Variants in ADH7 observed in about 807,000 individuals in gnomAD.
ADH7 encodes all-trans-retinol dehydrogenase [NAD(+)] ADH7.
A neutral mutation model predicts 34.4 loss-of-function variants in ADH7; 41 were observed. The ratio of observed to expected loss-of-function variants is 1.19; its 90% CI spans 0.93 to 1.55. ADH7 has a LOEUF of 1.55. Among genes scored for constraint, ADH7 ranks in the 40% most tolerant of loss-of-function variants. The probability of loss-of-function intolerance (pLI) is 0.00; values close to 1 mark genes in which losing one functional copy is unlikely to be tolerated. For missense variants in ADH7, 540 were observed against 461.2 expected (o/e 1.17, Z -1.56); for synonymous variants, 180 against 160.9 (o/e 1.12, Z -0.90).
intron 5 of ADH7, among the ~76,000 whole-genome samples, chr4:99,425,456 A>G (rs1217847812): frequency 2.6e-5 from 4 of 152,324 alleles, no homozygotes; most frequent in African/African-American, 9.6e-5. Flanking sequence ...ATCAAAAGAG[A>G]CAAAGAAGGC....
chr4:99,434,744 CT>C (rs1186100719), intron 1 of ADH7, among the ~76,000 whole-genome samples: 1 of 152,054 alleles, frequency 6.6e-6, no homozygotes, highest in Non-Finnish European at 1.5e-5. Flanking sequence ...ATTCATGACA[CT>C]TTCTTGGCCA....
intron 7 of ADH7, among the ~76,000 whole-genome samples, chr4:99,418,048 T>C (rs1479556258): frequency 6.6e-6 from 1 of 152,168 alleles, no homozygotes; most frequent in Admixed American, 6.6e-5. Flanking sequence ...AAAAACTTAA[T>C]AGTTCCAAGT....
At chr4:99,428,412 T>C in intron 3 of ADH7, 80 bp downstream of exon 3, 1 of 1,486,194 alleles carries the variant, frequency 6.7e-7, no homozygotes, top group Non-Finnish European at 9.1e-7. Flanking sequence ...CCTCTAATAA[T>C]TCCTAGTGTG....
chr4:99,416,870 C>T (rs1302463968), intron 7 of ADH7, among the ~76,000 whole-genome samples: 1 of 152,084 alleles, frequency 6.6e-6, no homozygotes, highest in South Asian at 2.1e-4. Flanking sequence ...CCACCCTAGC[C>T]CCCAATCTAT....
chr4:99,434,400 G>A (rs1722002315), intron 1 of ADH7, among the ~76,000 whole-genome samples: 2 of 152,022 alleles, frequency 1.3e-5, no homozygotes, highest in South Asian at 4.1e-4. Context: ...ACATCATAGA[G>A]TCTCCTGACT....
chr4:99,422,324 TA>T (rs1721685032), intron 5 of ADH7, among the ~76,000 whole-genome samples: 1 of 152,154 alleles, frequency 6.6e-6, no homozygotes, highest in African/African-American at 2.4e-5. Flanking sequence ...TATGCAGCCA[TA>T]AAAAGAAATG....
At chr4:99,424,782 C>T (rs1177881778) in intron 5 of ADH7, among the ~76,000 whole-genome samples, 3 of 152,038 alleles carry the variant, frequency 2.0e-5, no homozygotes, top group Non-Finnish European at 4.4e-5. Context: ...TGGGCTGAGA[C>T]AATGGGGTTT....
intron 7 of ADH7, among the ~76,000 whole-genome samples, chr4:99,416,173 T>TA (rs1173502203): frequency 2.0e-5 from 3 of 152,010 alleles, no homozygotes; most frequent in Non-Finnish European, 4.4e-5. Flanking sequence ...AAACAAAGGT[T>TA]AAAAAAACTC....
intron 5 of ADH7, among the ~76,000 whole-genome samples, chr4:99,422,572 G>A (rs13146108): frequency 0.1 from 15,945 of 152,034 alleles, 1,070 homozygotes; most frequent in South Asian, 0.14. Context: ...CATGGCGCAC[G>A]TATACCTGTG....
intron 5 of ADH7, among the ~76,000 whole-genome samples, chr4:99,425,964 G>T (rs1417240434): frequency 6.6e-6 from 1 of 152,058 alleles, no homozygotes; most frequent in East Asian, 1.9e-4. Context: ...TGACTACTGG[G>T]TACATAACGA....
Position 99,425,400 on chromosome 4 carries a change from G to A in ADH7, c.564+2373C>T, listed in dbSNP as rs556299460. ...CAAATGGAAAACAAAAAAAGGCAGG[G>A]GTTGCAATCCTAGTCTCTGATAAAA... On this transcript the variant is annotated intron_variant, in intron 5 of 8. Coordinates refer to ENST00000437033, the MANE Select transcript of ADH7 (RefSeq NM_000673.7). Among the ~76,000 whole-genome samples the A allele has an allele frequency of 3.7e-4, 56 of 151,928 alleles. No individual in the cohort carries two copies. In the East Asian group the frequency reaches 0.01, roughly 28 times the overall value.
At chr4:99,416,970 C>T (rs186569098) in intron 7 of ADH7, among the ~76,000 whole-genome samples, 19 of 152,182 alleles carry the variant, frequency 1.2e-4, no homozygotes, top group African/African-American at 4.6e-4. Flanking sequence ...ACTCTTTTTG[C>T]CATACAATAA....
rs528094323 is a variant in ADH7, at chr4:99,433,201, T to C, written c.18+2015A>G. On this transcript the variant is annotated intron_variant, in intron 1 of 8. Coordinates refer to ENST00000437033, the MANE Select transcript of ADH7 (RefSeq NM_000673.7). ...AAACCTCTCTATATAGCAGATGTCA[T>C]CACAGCACTATTTACAAAGGAAAAT... Among the ~76,000 whole-genome samples the C allele has an allele frequency of 3.9e-4, 59 of 152,134 alleles. 1 individual carries two copies. Among genetic ancestry groups the C allele is most frequent in the Admixed American group, 9.8e-4 (15 of 15,258 alleles).
At chr4:99,426,751 C>G (rs1317995203) in intron 5 of ADH7, among the ~76,000 whole-genome samples, 2 of 152,062 alleles carry the variant, frequency 1.3e-5, no homozygotes, top group Non-Finnish European at 2.9e-5. Flanking sequence ...GGTAGAGACA[C>G]AACCAAAAAA....
chr4:99,435,137 T>C (rs928654146), intron 1 of ADH7, 79 bp downstream of exon 1: 1 of 1,569,278 alleles, frequency 6.4e-7, no homozygotes, highest in South Asian at 1.2e-5. Flanking sequence ...GTTTAATTAC[T>C]TTAATGGATT....
At chr4:99,423,249 T>A (rs950101864) in intron 5 of ADH7, among the ~76,000 whole-genome samples, 1 of 149,258 alleles carries the variant, frequency 6.7e-6, no homozygotes, top group Non-Finnish European at 1.5e-5. Flanking sequence ...GGTGTATATG[T>A]GCCACATTTT....
At chr4:99,415,401 A>C in intron 8 of ADH7, 77 bp downstream of exon 8, 4 of 1,410,782 alleles carry the variant, frequency 2.8e-6, no homozygotes, top group Non-Finnish European at 3.9e-6. Context: ...ATATGAAGAA[A>C]ACAGGCACAT....
chr4:99,415,721 G>A (rs1721502065), intron 7 of ADH7, 105 bp from the exon 8 acceptor site: 2 of 1,200,502 alleles, frequency 1.7e-6, no homozygotes, highest in South Asian at 1.6e-5. Flanking sequence ...CTTTCCCTGT[G>A]TTAGATCATT....
Position 99,427,884 on chromosome 4 carries a change from C to T in ADH7, c.453G>A (p.Val151=). Residue 151 remains valine (V), a synonymous_variant, in exon 5 of 9, where the codon GTG becomes GTA. Coordinates refer to ENST00000437033, the MANE Select transcript of ADH7 (RefSeq NM_000673.7). ...MNTSTFTEYT[V]VDESSVAKID... is the part of the protein sequence containing the mutation. ...TCTTAGCAACAGAAGATTCATCCAC[C>T]ACTGTGTACTCGGTAAATGTACTGG... 1 of 1,613,904 alleles carries T rather than the reference C, an allele frequency of 6.2e-7. No individual in the cohort carries two copies. The highest frequency in any genetic ancestry group is 8.5e-7 in the Non-Finnish European group (1 of 1,179,900).
Sources: allele counts gnomAD v4.1 joint callset (sites outside exome capture counted in the v4.1 genomes callset), GRCh38; gene constraint gnomAD v4.1.1; transcripts MANE v1.5; gene names NCBI Gene and HGNC (gene_info 2026-07-23, HGNC 2026-07-21).